GPAM: variants seen among roughly 807,000 people sequenced by gnomAD.
The protein encoded by GPAM is glycerol-3-phosphate acyltransferase, mitochondrial, also known as glycerol-3-phosphate acyltransferase 1, mitochondrial.
In GPAM, 56 loss-of-function variants were observed where a neutral mutation model predicts 105.0. That is an observed-to-expected ratio of 0.53 (90% confidence interval 0.43 to 0.67). GPAM has a LOEUF of 0.67. Among genes scored for constraint, GPAM ranks in the 30% least tolerant of loss-of-function variants. GPAM has a pLI of 0.00. For synonymous variants in GPAM, 368 were observed against 354.4 expected, an observed-to-expected ratio of 1.04 and a Z score of -0.43; for missense variants, 855 against 989.8, an observed-to-expected ratio of 0.86 and a Z score of 1.83.
In GPAM at chr10:112,197,576, C is replaced by T. The variant is rs949581059; in HGVS notation, n.211-14685G>A. Reference sequence around the variant, plus strand: ...TATGTATACATGTGCCATGCTGGTGCGCTGCACCCACTAACTCATCATCTA... The same window carrying T: ...TATGTATACATGTGCCATGCTGGTGTGCTGCACCCACTAACTCATCATCTA... On this transcript the variant is annotated intron_variant and non_coding_transcript_variant, in intron 1 of 3. Coordinates refer to the GPAM transcript ENST00000480130. Among the ~76,000 whole-genome samples the T allele has an allele frequency of 3.3e-5, 5 of 149,274 alleles. No homozygotes were observed. In the East Asian group the frequency reaches 7.8e-4, roughly 23 times the overall value.
chr10:112,204,111 GTGCCTCCAGGAGGAGCA>G, intron 1 of GPAM, among the ~76,000 whole-genome samples: 1 of 152,306 alleles, frequency 6.6e-6, no homozygotes, highest in South Asian at 2.1e-4. Flanking sequence ...TGCCTAATCA[GTGCCTCCAGGAGGAGCA>G]TGCTGCTAAT....
Position 112,152,679 on chromosome 10 carries a change from G to C in GPAM, c.*871C>G. The C allele has an allele frequency of 1.0e-6, 1 of 985,310 alleles. No individual in the cohort carries two copies. The allele number at this position is 985,310 out of a possible 1,614,324, so 61.0% of individuals were successfully genotyped here. A position where few individuals can be genotyped will look rare whatever the true frequency, so the allele number is the denominator to read the frequency against. ...TTGGTTGGAGGATTTCCAAGAAACA[G>C]CTGTACCTGTGAGAGGCAGGTATTA... is the stretch of plus-strand genomic sequence containing the variant. On this transcript the variant is annotated 3_prime_UTR_variant, in exon 22 of 22. Transcript: ENST00000348367.
intron 1 of GPAM, among the ~76,000 whole-genome samples, chr10:112,199,047 C>T (rs1003409367): frequency 6.6e-6 from 1 of 151,560 alleles, no homozygotes; most frequent in Non-Finnish European, 1.5e-5. Context: ...CTCAGCCTCC[C>T]GAGTAGCTGG....
chr10:112,157,155 A>G, intron 19 of GPAM, 94 bp downstream of exon 19: 1 of 1,094,450 alleles, frequency 9.1e-7, no homozygotes, highest in Non-Finnish European at 1.4e-6. Flanking sequence ...GATTCTTTAG[A>G]TAAGAAGACA....
Position 112,159,987 on chromosome 10 carries a change from A to C in GPAM, c.1826T>G (p.Leu609Arg), listed in dbSNP as rs1463586128. The C allele has an allele frequency of 3.1e-6, 5 of 1,613,976 alleles. No individual in the cohort carries two copies. The highest frequency in any genetic ancestry group is 4.2e-6 in the Non-Finnish European group (5 of 1,179,854). ...CCGCACCAGCTGCTCCTGGCTGATC[A>C]GGTTAGGTGGGGTGCTAGTGGGACC... ...LGGPTSTPPN[L>R]ISQEQLVRKA... Residue 609 changes from leucine to arginine, a missense_variant, in exon 17 of 22, where the codon CTG becomes CGG. Transcript: ENST00000348367.
Position 112,192,930 on chromosome 10 carries a change from C to T in GPAM, n.211-10039G>A, listed in dbSNP as rs553923387. Among the ~76,000 whole-genome samples the T allele has an allele frequency of 1.4e-4, 21 of 152,186 alleles. No homozygotes were observed. The South Asian group carries it at 4.4e-3, about 32-fold the overall frequency. The stretch of plus-strand genomic sequence containing the variant: ...GCCTGCCCGCCTGGGTTAAATTGGC[C>T]GCAGAGAATCTAGGTAAGGAAGAAA... On this transcript the variant is annotated intron_variant and non_coding_transcript_variant, in intron 1 of 3. Transcript: ENST00000480130.
At chr10:112,220,714 T>C in the GPAM span, among the ~76,000 whole-genome samples, 10 of 152,144 alleles carry the variant, frequency 6.6e-5, no homozygotes, top group Non-Finnish European at 1.3e-4. Flanking sequence ...GGGATGGTTC[T>C]TTCATCCCAG....
At chr10:112,156,108 G>A (rs1033386273) in intron 19 of GPAM, 55 bp from the exon 20 acceptor site, 3 of 1,245,220 alleles carry the variant, frequency 2.4e-6, no homozygotes, top group South Asian at 1.2e-5. Flanking sequence ...GAGACACAAG[G>A]CAAGTGGACA....
chr10:112,151,610 T>C lies in GPAM; in HGVS notation c.*1940A>G. 6 of 985,622 alleles carry C rather than the reference T, an allele frequency of 6.1e-6. No individual in the cohort carries two copies. Among genetic ancestry groups the C allele is most frequent in the Non-Finnish European group, 6.0e-6 (5 of 829,936 alleles). The allele number at this position is 985,622 out of a possible 1,614,324, so 61.1% of individuals were successfully genotyped here. A position where few individuals can be genotyped will look rare whatever the true frequency, so the allele number is the denominator to read the frequency against. On this transcript the variant is annotated 3_prime_UTR_variant, in exon 22 of 22. Coordinates refer to ENST00000348367, the MANE Select transcript of GPAM (RefSeq NM_001244949.2). Reference sequence around the variant, plus strand: ...GAAAATAATGCAAGAGAAGCCGTATTTTCTTTGCTTAGGTTGGCAAAGCAG... The same window carrying C: ...GAAAATAATGCAAGAGAAGCCGTATCTTCTTTGCTTAGGTTGGCAAAGCAG...
chr10:112,190,751 T>C (rs1434406106), intron 1 of GPAM, among the ~76,000 whole-genome samples: 1 of 152,126 alleles, frequency 6.6e-6, no homozygotes, highest in Non-Finnish European at 1.5e-5. Context: ...ACCCATCACA[T>C]ATATATTGGT....
Position 112,152,412 on chromosome 10 carries a change from T to A in GPAM, c.*1138A>T, listed in dbSNP as rs1328785411. ...ATAACCCATAAAAATTTGTTAAAAG[T>A]CATGGTTTTTCCTCAAAGCTAAAAA... On this transcript the variant is annotated 3_prime_UTR_variant, in exon 22 of 22. Coordinates refer to ENST00000348367, the MANE Select transcript of GPAM (RefSeq NM_001244949.2). 2.0e-6 allele frequency: 2 copies of A among 985,404 alleles called. No individual in the cohort carries two copies. The highest frequency in any genetic ancestry group is 1.7e-5 in the African/African-American group (1 of 57,366). The allele number at this position is 985,404 out of a possible 1,614,324, so 61.0% of individuals were successfully genotyped here. A position where few individuals can be genotyped will look rare whatever the true frequency, so the allele number is the denominator to read the frequency against.
In GPAM at chr10:112,152,588, T is replaced by C; in HGVS notation, c.*962A>G. 4 of 985,440 alleles carry C rather than the reference T, an allele frequency of 4.1e-6. No homozygotes were observed. The highest frequency in any genetic ancestry group is 3.6e-6 in the Non-Finnish European group (3 of 829,926). The allele number at this position is 985,440 out of a possible 1,614,324, so 61.0% of individuals were successfully genotyped here. A position where few individuals can be genotyped will look rare whatever the true frequency, so the allele number is the denominator to read the frequency against. ...TGCAGTACAGAAAGCCCTCATCAGC[T>C]GTGGCCAGAGAACTGTATTCTAACA... On this transcript the variant is annotated 3_prime_UTR_variant, in exon 22 of 22. Coordinates refer to ENST00000348367, the MANE Select transcript of GPAM (RefSeq NM_001244949.2).
chr10:112,171,951 G>A (rs2133252403), intron 9 of GPAM, among the ~76,000 whole-genome samples: 1 of 152,050 alleles, frequency 6.6e-6, no homozygotes, highest in Non-Finnish European at 1.5e-5. Flanking sequence ...TAAAGTTTAG[G>A]TAGTCACAGT....
Position 112,157,340 on chromosome 10 carries a change from T to C in GPAM, c.2030A>G (p.Asp677Gly), listed in dbSNP as rs780458318. 3.1e-6 allele frequency: 5 copies of C among 1,613,566 alleles called. No individual in the cohort carries two copies. The South Asian group carries it at 4.4e-5, about 14-fold the overall frequency. The part of the protein sequence containing the change: ...ISPSLAEQQW[D>G]KKLPEPLSWR... ...AGACAAAGGTTCTGGAAGCTTCTTG[T>C]CCCACTGCTGCTCAGCAAGACTAGG... The change falls in exon 19 of 22, where the codon GAC (aspartate) becomes GGC (glycine). Residue 677 changes from aspartate (D) to glycine (G), a missense_variant. Physicochemically the swap from Asp to Gly is moderately conservative, Grantham distance 94 (BLOSUM62 -1). Transcript: ENST00000348367.
intron 13 of GPAM, 38 bp downstream of exon 13, chr10:112,164,487 G>A (rs749113105): frequency 1.0e-6 from 1 of 996,492 alleles, no homozygotes; most frequent in Non-Finnish European, 1.6e-6. Context: ...CAGATGTTTG[G>A]TAGCTTGATT....
At chr10:112,161,006 A>G (rs1406290149) in intron 15 of GPAM, 138 bp from the exon 16 acceptor site, 2 of 729,094 alleles carry the variant, frequency 2.7e-6, no homozygotes, top group East Asian at 2.7e-5. Flanking sequence ...TAGGGCCAGA[A>G]CACCAATGCA....
intron 4 of GPAM, among the ~76,000 whole-genome samples, chr10:112,178,682 T>G (rs2133263585): frequency 6.6e-6 from 1 of 152,302 alleles, no homozygotes; most frequent in East Asian, 1.9e-4. Context: ...TGTCAGAGAT[T>G]TCAGTTTTCC....
At chr10:112,183,947 T>A (rs529622146), upstream of GPAM, among the ~76,000 whole-genome samples, 1 of 152,330 alleles carries the variant, frequency 6.6e-6, no homozygotes, top group African/African-American at 2.4e-5. Flanking sequence ...GACAGATGGT[T>A]ACCCTGCCTA....
chr10:112,207,924 A>C (rs982133400), intron 1 of GPAM, among the ~76,000 whole-genome samples: 2 of 152,256 alleles, frequency 1.3e-5, no homozygotes, highest in African/African-American at 4.8e-5. Context: ...AGGTCCTAGC[A>C]TGACCTGCTT....
Sources: allele counts gnomAD v4.1 joint callset (sites outside exome capture counted in the v4.1 genomes callset), GRCh38; gene constraint gnomAD v4.1.1; transcripts MANE v1.5; gene names NCBI Gene and HGNC (gene_info 2026-07-23, HGNC 2026-07-21).